Variants in TTC23L observed in about 807,000 individuals in gnomAD.
The protein encoded by TTC23L is tetratricopeptide repeat protein 23-like.
Under a neutral mutation model 48.1 loss-of-function variants are expected in TTC23L, and 42 were observed. The observed-to-expected ratio is 0.87, with a 90% CI of 0.68 to 1.13. The LOEUF is 1.13. TTC23L is among the 50% of genes most tolerant of loss of function. The pLI is 0.00. For synonymous variants in TTC23L, 159 were observed against 157.2 expected, an observed-to-expected ratio of 1.01 and a Z score of -0.09; for missense variants, 391 against 421.0, an observed-to-expected ratio of 0.93 and a Z score of 0.62.
the TTC23L span, chr5:34,908,044 C>A: frequency 6.6e-6 from 1 of 152,174 alleles, no homozygotes; most frequent in Non-Finnish European, 1.5e-5. Flanking sequence ...ACTTTGAGAA[C>A]CACTACTTTA....
intron 10 of TTC23L, 65 bp downstream of exon 10, chr5:34,896,940 T>C (rs1392771119): frequency 1.1e-5 from 7 of 627,980 alleles, no homozygotes; most frequent in Non-Finnish European, 2.1e-5. Context: ...AAATGCTGAT[T>C]CCAAGGGATG....
chr5:34,869,118 G>C (rs1761266221), intron 8 of TTC23L, 105 bp downstream of exon 8: 1 of 890,118 alleles, frequency 1.1e-6, no homozygotes, highest in Non-Finnish European at 1.8e-6. Context: ...TCCTGTAATG[G>C]AAAAATTAGG....
chr5:34,842,839 C>T (rs1047235236), intron 2 of TTC23L, among the ~76,000 whole-genome samples: 3 of 152,166 alleles, frequency 2.0e-5, no homozygotes, highest in African/African-American at 7.2e-5. Context: ...GGGCCTTCGG[C>T]TCCCAGCACA....
chr5:34,911,570 C>T, the TTC23L span: 1 of 1,614,016 alleles, frequency 6.2e-7, no homozygotes, highest in Non-Finnish European at 8.5e-7. Context: ...TAAGGCTTGT[C>T]AGGAGACATG....
At chr5:34,874,405 T>G in intron 8 of TTC23L, among the ~76,000 whole-genome samples, 1 of 152,204 alleles carries the variant, frequency 6.6e-6, no homozygotes, top group Non-Finnish European at 1.5e-5. Flanking sequence ...TAGGATTATT[T>G]TGTTATTATA....
intron 9 of TTC23L, chr5:34,883,584 G>C (rs1236459255): frequency 6.6e-6 from 1 of 152,432 alleles, no homozygotes; most frequent in Non-Finnish European, 1.5e-5. Context: ...AGAAATGAAA[G>C]AAGAGACATT....
At chr5:34,915,831 G>C in the TTC23L span, 1 of 1,572,832 alleles carries the variant, frequency 6.4e-7, no homozygotes, top group South Asian at 1.2e-5. Context: ...CGCCAGCTAA[G>C]CGGCACGCCA....
chr5:34,853,372 A>T (rs1413141072), intron 4 of TTC23L, among the ~76,000 whole-genome samples: 1 of 152,146 alleles, frequency 6.6e-6, no homozygotes, highest in Non-Finnish European at 1.5e-5. Context: ...CTCTACTAAA[A>T]ATACAAAAAT....
chr5:34,847,717 G>T (rs2150355077), intron 3 of TTC23L, among the ~76,000 whole-genome samples: 1 of 152,270 alleles, frequency 6.6e-6, no homozygotes, highest in South Asian at 2.1e-4. Flanking sequence ...AGAGAACTTA[G>T]TATTTGCTGT....
intron 2 of TTC23L, among the ~76,000 whole-genome samples, chr5:34,845,244 G>GT (rs1302419408): frequency 6.6e-6 from 1 of 152,184 alleles, no homozygotes; most frequent in African/African-American, 2.4e-5. Flanking sequence ...CTTGGTTAGG[G>GT]TCATGTGATT....
At chr5:34,879,186 A>G (rs1221009752) in intron 8 of TTC23L, among the ~76,000 whole-genome samples, 2 of 152,186 alleles carry the variant, frequency 1.3e-5, no homozygotes, top group African/African-American at 4.8e-5. Flanking sequence ...GGAGACTCAT[A>G]AGGGTGTGAT....
chr5:34,915,083 A>T, the TTC23L span: 1 of 598,418 alleles, frequency 1.7e-6, no homozygotes, highest in Non-Finnish European at 3.0e-6. Flanking sequence ...AACCCCACCT[A>T]TGTCACTTAA....
Position 34,863,076 on chromosome 5 carries a change from C to T in TTC23L, c.536+22C>T, listed in dbSNP as rs369799222. 3.2e-5 allele frequency: 51 copies of T among 1,613,000 alleles called. No individual in the cohort carries two copies. Among genetic ancestry groups the T allele is most frequent in the African/African-American group, 1.1e-4 (8 of 74,890 alleles). ...ACCGATATCCTTCCATTCCTAGCTGCGTTTAGTGTTCGGGGCCACAGGCCA... is the reference window on the plus strand; with the variant it reads ...ACCGATATCCTTCCATTCCTAGCTGTGTTTAGTGTTCGGGGCCACAGGCCA... On this transcript the variant is annotated intron_variant, in intron 5 of 10. Coordinates refer to ENST00000505624, the Ensembl canonical transcript of TTC23L. The surrounding 1 kb of genome is among the most constrained non-coding windows in gnomAD (Gnocchi z 4.1).
chr5:34,850,431 C>T, intron 4 of TTC23L, 123 bp downstream of exon 4: 1 of 1,209,508 alleles, frequency 8.3e-7, no homozygotes. Context: ...CACACATTAT[C>T]AGGAAGGAAA....
chr5:34,879,806 G>A (rs964615731), intron 8 of TTC23L, among the ~76,000 whole-genome samples: 3 of 152,078 alleles, frequency 2.0e-5, no homozygotes, highest in African/African-American at 7.2e-5. Context: ...GACCGTCCTG[G>A]CCAACATGGT....
At chr5:34,913,575 C>T in the TTC23L span, 1 of 1,564,586 alleles carries the variant, frequency 6.4e-7, no homozygotes, top group South Asian at 1.2e-5. Flanking sequence ...TGAAATATTC[C>T]AGCCTATGAA....
chr5:34,911,174 C>G, the TTC23L span, among the ~76,000 whole-genome samples: 8 of 152,332 alleles, frequency 5.3e-5, no homozygotes, highest in South Asian at 6.2e-4. Context: ...TAGAAAACAT[C>G]TTCTTCTGCA....
intron 9 of TTC23L, among the ~76,000 whole-genome samples, chr5:34,881,475 G>C (rs1308402028): frequency 6.6e-6 from 1 of 152,158 alleles, no homozygotes; most frequent in Non-Finnish European, 1.5e-5. Flanking sequence ...ACTTTGATCT[G>C]ACCAAGCCAA....
the TTC23L span, chr5:34,908,921 A>G: frequency 1.2e-6 from 2 of 1,608,434 alleles, no homozygotes; most frequent in South Asian, 2.2e-5. Context: ...ATGCCTTTGT[A>G]GAGGGTTTCA....
Sources: gnomAD v4.1 joint callset for allele counts (sites outside exome capture counted in the v4.1 genomes callset) on GRCh38, gnomAD v4.1.1 for gene constraint, Gnocchi (gnomAD v3.1) non-coding constraint, MANE v1.5 for transcripts, NCBI Gene and HGNC (gene_info 2026-07-23, HGNC 2026-07-21) for gene names.